KMT2C: variants seen among roughly 807,000 people sequenced by gnomAD.
KMT2C encodes the protein lysine methyltransferase 2C.
Under a neutral mutation model 507.9 loss-of-function variants are expected in KMT2C, and 88 were observed. That is an observed-to-expected ratio of 0.17 (90% CI 0.15 to 0.21). KMT2C has a LOEUF of 0.21. KMT2C is among the 10% of genes least tolerant of loss of function. KMT2C has a pLI of 1.00. For missense variants in KMT2C, 4,954 were observed against 5,957.8 expected, an observed-to-expected ratio of 0.83 and a Z score of 5.55; for synonymous variants, 2,049 against 2,080.8, an observed-to-expected ratio of 0.98 and a Z score of 0.42.
intron 42 of KMT2C, among the ~76,000 whole-genome samples, chr7:152,166,942 A>C (rs549231496): frequency 1.1e-4 from 16 of 152,310 alleles, no homozygotes; most frequent in African/African-American, 3.8e-4. Flanking sequence ...ATGTGCTGTG[A>C]CCGTCACTTT....
intron 23 of KMT2C, among the ~76,000 whole-genome samples, chr7:152,211,116 G>C (rs1333230070): frequency 6.6e-6 from 1 of 152,114 alleles, no homozygotes; most frequent in Non-Finnish European, 1.5e-5. Flanking sequence ...AGAACACTGA[G>C]GACAAAGAAT....
At chr7:152,410,214 A>C (rs2097666433) in intron 1 of KMT2C, among the ~76,000 whole-genome samples, 2 of 152,256 alleles carry the variant, frequency 1.3e-5, no homozygotes, top group Non-Finnish European at 2.9e-5. Flanking sequence ...ATTCAAGACC[A>C]GCCTGACCAA....
intron 43 of KMT2C, 70 bp downstream of exon 43, chr7:152,162,047 G>A (rs1207282423): frequency 5.6e-6 from 8 of 1,430,386 alleles, no homozygotes; most frequent in Non-Finnish European, 7.3e-6. Context: ...TACAGTTGCT[G>A]GTACTAATCT....
At position 152,332,208 on chromosome 7, in the gene KMT2C, T is replaced by C. The variant is rs1202939689; in HGVS notation, c.251-1469A>G. ...GGAGGCAGCCTAACAGCTGAGAGGA[T>C]TTCCACACACCACTACCCCTAACAT... On this transcript the variant is annotated intron_variant, in intron 2 of 58. Coordinates refer to ENST00000262189, the MANE Select transcript of KMT2C (RefSeq NM_170606.3). Among the ~76,000 whole-genome samples the C allele has an allele frequency of 2.0e-5, 3 of 152,104 alleles. No homozygotes were observed. In the East Asian group the frequency reaches 5.8e-4, roughly 29 times the overall value.
intron 14 of KMT2C, among the ~76,000 whole-genome samples, chr7:152,243,618 CTAAAAA>C: frequency 6.6e-6 from 1 of 152,122 alleles, no homozygotes; most frequent in East Asian, 1.9e-4. Flanking sequence ...ACCGTCTCTA[CTAAAAA>C]TATTTAAAAA....
rs926511379 is a variant in KMT2C at position 152,360,534 on chromosome 7, T to C, written c.162-1859A>G. On this transcript the variant is annotated intron_variant, in intron 1 of 58. Coordinates refer to ENST00000262189, the MANE Select transcript of KMT2C (RefSeq NM_170606.3). ...GAAGGAGCTATAACATAATAATATA[T>C]TAAAAATTAAGGTGACCAGCCGGGC... 2.7e-5 allele frequency among the ~76,000 whole-genome samples: 4 copies of C among 149,026 alleles called. No individual in the cohort carries two copies. In the Admixed American group the frequency reaches 2.7e-4, roughly 10 times the overall value.
intron 6 of KMT2C, among the ~76,000 whole-genome samples, chr7:152,297,047 A>AAGAAAGAAAGAC (rs2096513610): frequency 1.5e-5 from 1 of 68,930 alleles, no homozygotes; most frequent in Non-Finnish European, 3.1e-5. Flanking sequence ...GAAAGAAAGA[A>AAGAAAGAAAGAC]AGAAAGACAG....
At chr7:152,206,261 G>C (rs1268017385) in intron 24 of KMT2C, among the ~76,000 whole-genome samples, 1 of 151,896 alleles carries the variant, frequency 6.6e-6, no homozygotes, top group Non-Finnish European at 1.5e-5. Context: ...TCAATTAGAG[G>C]GTTGACTTCC....
chr7:152,329,134 C>T (rs894787829), intron 3 of KMT2C, among the ~76,000 whole-genome samples: 5 of 151,936 alleles, frequency 3.3e-5, no homozygotes, highest in African/African-American at 1.2e-4. Flanking sequence ...TGAACAGAGA[C>T]AAAAAGTAGA....
At position 152,358,634 on chromosome 7, in the gene KMT2C, C is replaced by T. The variant is rs776489304; in HGVS notation, c.203G>A (p.Ser68Asn). ...TTCTGTTGTCTCCAGCCCATCCATG[C>T]TGTCCTCATCTTCCACTGCAGTTTT... The part of the protein sequence containing the change: ...RGKTAVEDED[S>N]MDGLETTETE... Residue 68 changes from serine (S) to asparagine (N), a missense_variant, in exon 2 of 59, where the codon AGC becomes AAC. Ser to Asn is a conservative substitution (Grantham distance 46). Coordinates refer to ENST00000262189, the MANE Select transcript of KMT2C (RefSeq NM_170606.3). 4 of 1,610,956 alleles carry T rather than the reference C, an allele frequency of 2.5e-6. No homozygotes were observed. In the South Asian group the frequency reaches 3.3e-5, roughly 13 times the overall value.
intron 1 of KMT2C, among the ~76,000 whole-genome samples, chr7:152,374,308 T>C (rs1292242940): frequency 1.4e-5 from 2 of 147,520 alleles, no homozygotes; most frequent in African/African-American, 5.4e-5. Context: ...AGAGCAAGAC[T>C]CTGTCTCAAA....
chr7:152,393,668 C>A (rs891334549), intron 1 of KMT2C, among the ~76,000 whole-genome samples: 3 of 152,158 alleles, frequency 2.0e-5, no homozygotes, highest in African/African-American at 4.8e-5. Context: ...AATCCCAACA[C>A]TTTGGGAGGC....
intron 1 of KMT2C, among the ~76,000 whole-genome samples, chr7:152,427,467 T>A (rs1299797165): frequency 1.3e-5 from 2 of 152,236 alleles, no homozygotes; most frequent in Non-Finnish European, 2.9e-5. Context: ...AGTTCAACAA[T>A]GTATCATAGA....
Position 152,149,051 on chromosome 7 carries a change from G to C in KMT2C, c.12876C>G (p.Leu4292=). ...NNISTLDVHC[L]PQLPEKASPP... The stretch of plus-strand genomic sequence containing the variant: ...GAGAAGCTTTCTCTGGGAGCTGGGG[G>C]AGACAGTGCACATCCAAAGTGGAGA... Residue 4292 remains leucine (L), a synonymous_variant, in exon 52 of 59, where the codon CTC becomes CTG. Coordinates refer to ENST00000262189, the MANE Select transcript of KMT2C (RefSeq NM_170606.3). 6.5e-7 allele frequency: 1 copy of C among 1,530,998 alleles called. No homozygotes were observed. The allele number at this position is 1,530,998 out of a possible 1,614,324, so 94.8% of individuals were successfully genotyped here.
intron 49 of KMT2C, among the ~76,000 whole-genome samples, chr7:152,151,834 C>T (rs1354098278): frequency 6.7e-6 from 1 of 149,714 alleles, no homozygotes; most frequent in Non-Finnish European, 1.5e-5. Context: ...TCTAATAAAA[C>T]TAAGTCACCA....
chr7:152,157,991 A>G (rs1471166999), intron 44 of KMT2C: 1 of 1,137,346 alleles, frequency 8.8e-7, no homozygotes, highest in Non-Finnish European at 1.1e-6. Flanking sequence ...TCAACTTTCT[A>G]AGACCCGAAG....
rs1421487755 is a variant in KMT2C at position 152,162,760 on chromosome 7, C to G, written c.10817G>C (p.Arg3606Thr). The G allele has an allele frequency of 4.3e-6, 7 of 1,614,058 alleles. No individual in the cohort carries two copies. The highest frequency in any genetic ancestry group is 1.1e-5 in the South Asian group (1 of 91,082). Residue 3606 changes from arginine (R) to threonine (T), a missense_variant, in exon 43 of 59, where the codon AGA becomes ACA. Around this residue, in one of 29 missense-constraint regions of KMT2C, gnomAD observed 801 missense variants for 751.2 expected, o/e 1.07. Coordinates refer to ENST00000262189, the MANE Select transcript of KMT2C (RefSeq NM_170606.3). The stretch of plus-strand genomic sequence containing the variant: ...ATCATCTCTTTTCTTCTTTCTTGTT[C>G]TTTTCTTTTTCCCTTTTTCCTCTGG... Reference protein sequence around the residue: ...IIPEEKGKKKRTRKKKRDDDA... With the variant: ...IIPEEKGKKKTTRKKKRDDDA...
At chr7:152,326,906 C>A (rs1192310402) in intron 3 of KMT2C, among the ~76,000 whole-genome samples, 2 of 151,956 alleles carry the variant, frequency 1.3e-5, no homozygotes, top group African/African-American at 2.4e-5. Context: ...AAATAAAATT[C>A]ATTAAATTCA....
intron 27 of KMT2C, among the ~76,000 whole-genome samples, chr7:152,198,334 C>CA (rs1645537850): frequency 6.6e-6 from 1 of 152,172 alleles, no homozygotes; most frequent in African/African-American, 2.4e-5. Flanking sequence ...GTCAGTATTT[C>CA]AATTCAGGAT....
Sources: gnomAD v4.1 joint callset for allele counts (sites outside exome capture counted in the v4.1 genomes callset) on GRCh38, gnomAD v4.1.1 for gene constraint, gnomAD v4.1.1 regional missense constraint, MANE v1.5 for transcripts, NCBI Gene and HGNC (gene_info 2026-07-23, HGNC 2026-07-21) for gene names.